The following EYA3 variants were observed in gnomAD, a reference collection of about 807,000 sequenced individuals.
EYA3 encodes protein phosphatase EYA3.
A neutral mutation model predicts 80.0 loss-of-function variants in EYA3; 39 were observed. That is an observed-to-expected ratio of 0.49 (90% CI 0.38 to 0.64). EYA3 has a LOEUF of 0.64. EYA3 is among the 30% of genes least tolerant of loss of function. The pLI, the probability that EYA3 is intolerant of heterozygous loss-of-function variation, is 0.00. For missense variants in EYA3, 523 were observed against 676.1 expected, an observed-to-expected ratio of 0.77 and a Z score of 2.51; for synonymous variants, 206 against 232.8, an observed-to-expected ratio of 0.88 and a Z score of 1.05.
At chr1:28,074,175 G>C (rs138595251) in intron 1 of EYA3, among the ~76,000 whole-genome samples, 7 of 152,208 alleles carry the variant, frequency 4.6e-5, no homozygotes, top group African/African-American at 1.7e-4. Context: ...AGGTCAAATT[G>C]TATAAATTCT....
At chr1:28,017,359 A>C in intron 7 of EYA3, 120 bp from the exon 8 acceptor site, 1 of 694,160 alleles carries the variant, frequency 1.4e-6, no homozygotes, top group Non-Finnish European at 2.4e-6. Flanking sequence ...TTGGCAAAGG[A>C]AACAAACACT....
At chr1:27,975,823 T>C (rs555801440) in intron 17 of EYA3, among the ~76,000 whole-genome samples, 47 of 151,952 alleles carry the variant, frequency 3.1e-4, no homozygotes, top group Non-Finnish European at 5.6e-4. Flanking sequence ...TTTATATTTT[T>C]TGAGACAGAG....
In EYA3 at chr1:28,087,059, T is replaced by C. The variant is rs563640265; in HGVS notation, c.-69+1465A>G. Reference sequence around the variant, plus strand: ...GTGCTCAAAGCTGTATTTAAGTTCATACTGAAGTACTACATTTTAAAGCAC... The same window carrying C: ...GTGCTCAAAGCTGTATTTAAGTTCACACTGAAGTACTACATTTTAAAGCAC... On this transcript the variant is annotated intron_variant, in intron 1 of 17. Coordinates refer to ENST00000373871, the MANE Select transcript of EYA3 (RefSeq NM_001990.4). Among the ~76,000 whole-genome samples, 4 of 152,346 alleles carry C rather than the reference T, an allele frequency of 2.6e-5. No homozygotes were observed. In the East Asian group the frequency reaches 7.7e-4, roughly 29 times the overall value.
At chr1:28,003,004 C>T (rs1195224027) in intron 11 of EYA3, among the ~76,000 whole-genome samples, 2 of 151,404 alleles carry the variant, frequency 1.3e-5, no homozygotes, top group Non-Finnish European at 2.9e-5. Context: ...CGCTTGTAAT[C>T]CCAGCATTTT....
intron 1 of EYA3, among the ~76,000 whole-genome samples, chr1:28,084,695 G>A (rs1645588968): frequency 7.5e-6 from 1 of 132,836 alleles, no homozygotes; most frequent in Middle Eastern, 5.2e-3. Flanking sequence ...TGCAACCTCC[G>A]CCTCCCTGGT....
chr1:27,993,442 T>C lies in EYA3; in HGVS notation c.1261A>G (p.Lys421Glu). The change falls in exon 14 of 18, where the codon AAA becomes GAA. Residue 421 changes from lysine (K) to glutamate (E), a missense_variant. Around this residue, in one of 2 missense-constraint regions of EYA3, gnomAD observed 219 missense variants for 332.8 expected, o/e 0.66. Transcript: ENST00000373871. ...TGCTTATCATAGATTTCTCTCACTT[T>C]CCGGTAGCGGAAAGCTAGTTTCCTC... ...WMRKLAFRYR[K>E]VREIYDKHKS... 6.2e-7 allele frequency: 1 copy of C among 1,613,540 alleles called. No homozygotes were observed. The highest frequency in any genetic ancestry group is 8.5e-7 in the Non-Finnish European group (1 of 1,179,784).
Position 27,971,599 on chromosome 1 carries a change from C to CAAAAA in EYA3, c.*2866_*2867insTTTTT, listed in dbSNP as rs1343134067. The CAAAAA allele has an allele frequency of 1.4e-5, 1 of 73,012 alleles. No homozygotes were observed. The highest frequency in any genetic ancestry group is 3.7e-4 in the East Asian group (1 of 2,678). The allele number at this position is 73,012 out of a possible 1,614,324, so 4.5% of individuals were successfully genotyped here. On this transcript the variant is annotated 3_prime_UTR_variant, in exon 18 of 18. Coordinates refer to ENST00000373871, the MANE Select transcript of EYA3 (RefSeq NM_001990.4). ...ACAGAGCGAGACTCCATCTCAACAA[C>CAAAAA]AACAACAAAAAAAAAAAAAAAAAAA...
intron 13 of EYA3, among the ~76,000 whole-genome samples, chr1:27,994,753 G>A (rs1214912809): frequency 6.6e-6 from 1 of 152,080 alleles, no homozygotes; most frequent in Non-Finnish European, 1.5e-5. Flanking sequence ...GATTGCTTGA[G>A]GCCAGGAGTT....
intron 7 of EYA3, among the ~76,000 whole-genome samples, chr1:28,021,531 G>A (rs1642434193): frequency 6.6e-6 from 1 of 152,018 alleles, no homozygotes; most frequent in African/African-American, 2.4e-5. Context: ...CATACAGCAG[G>A]TGATGGTCAA....
At chr1:28,050,224 G>C (rs1390976565) in intron 2 of EYA3, among the ~76,000 whole-genome samples, 1 of 137,012 alleles carries the variant, frequency 7.3e-6, no homozygotes, top group African/African-American at 2.7e-5. Flanking sequence ...ACAGGGTCTT[G>C]TTCTGTCACC....
intron 16 of EYA3, among the ~76,000 whole-genome samples, chr1:27,988,156 C>A (rs1571721634): frequency 6.6e-6 from 1 of 152,192 alleles, no homozygotes; most frequent in East Asian, 1.9e-4. Context: ...AGGTATGATT[C>A]ATCTTGTCTG....
intron 1 of EYA3, among the ~76,000 whole-genome samples, chr1:28,073,127 A>ATATATATATATATTTTTTTTTT (rs1553157671): frequency 1.3e-4 from 2 of 14,996 alleles, no homozygotes; most frequent in Non-Finnish European, 2.2e-4. Context: ...ATATATATAT[A>ATATATATATATATTTTTTTTTT]TTTTTTTTTT....
intron 17 of EYA3, among the ~76,000 whole-genome samples, chr1:27,977,619 G>A (rs1639007659): frequency 6.6e-6 from 1 of 152,100 alleles, no homozygotes; most frequent in Non-Finnish European, 1.5e-5. Context: ...GGGAGGCCGA[G>A]GCAGGCGGAT....
intron 13 of EYA3, among the ~76,000 whole-genome samples, chr1:27,996,005 T>C (rs1640427782): frequency 2.0e-5 from 3 of 152,080 alleles, no homozygotes; most frequent in Admixed American, 2.0e-4. Flanking sequence ...CCCAAGTAGC[T>C]GGGACTACAG....
chr1:28,017,183 C>T lies in EYA3; in HGVS notation c.556G>A (p.Ala186Thr). The T allele has an allele frequency of 6.2e-7, 1 of 1,613,898 alleles. No homozygotes were observed. Among genetic ancestry groups the T allele is most frequent in the South Asian group, 1.1e-5 (1 of 91,078 alleles). ...TTTGAGATGCTGGCTACTGCTGCTG[C>T]TGGAATATTGGCAATTGTAGAAGAA... ...STSSTIANIP[A>T]AAVASISNQD... is the part of the protein sequence containing the mutation. Residue 186 changes from alanine (A) to threonine (T), a missense_variant, in exon 8 of 18, where the codon GCA becomes ACA. Physicochemically the swap from Ala to Thr is moderately conservative, Grantham distance 58. This residue lies in a region of EYA3 where 304 missense variants were observed against 343.3 expected (regional missense o/e 0.89). Transcript: ENST00000373871.
intron 1 of EYA3, among the ~76,000 whole-genome samples, chr1:28,088,272 T>G (rs182650179): frequency 2.7e-5 from 4 of 150,590 alleles, no homozygotes; most frequent in Non-Finnish European, 3.0e-5. Context: ...GAAACCGAGG[T>G]TGGAAAAGGA....
chr1:28,026,463 A>T lies in EYA3; in HGVS notation c.499+1326T>A, dbSNP rs142988682. 7.0e-3 allele frequency among the ~76,000 whole-genome samples: 1,059 copies of T among 152,188 alleles called. 5 individuals carry two copies. The highest frequency in any genetic ancestry group is 0.011 in the Non-Finnish European group (725 of 68,008). ...AGATCCCACCTCTAAAAAAATATAG[A>T]ATACATTAGCTGGGTGTGGTGGTGT... On this transcript the variant is annotated intron_variant, in intron 7 of 17. Transcript: ENST00000373871.
intron 1 of EYA3, among the ~76,000 whole-genome samples, chr1:28,071,873 C>G (rs1645029971): frequency 6.6e-6 from 1 of 152,076 alleles, no homozygotes; most frequent in Non-Finnish European, 1.5e-5. Flanking sequence ...CTAATTTAAC[C>G]AAGTAAAGTT....
At position 28,003,728 on chromosome 1, in the gene EYA3, A is replaced by G. The variant is rs1202379108; in HGVS notation, c.993+608T>C. On this transcript the variant is annotated intron_variant, in intron 11 of 17. Transcript: ENST00000373871. ...TGGCTGGGGTGCAGATATTTGTATA[A>G]AATTTATTCATATAAACTGAAAAAC... Among the ~76,000 whole-genome samples the G allele has an allele frequency of 2.0e-5, 3 of 152,130 alleles. No individual in the cohort carries two copies. In the East Asian group the frequency reaches 5.8e-4, roughly 29 times the overall value.
Sources: gnomAD v4.1 joint callset for allele counts (sites outside exome capture counted in the v4.1 genomes callset) on GRCh38, gnomAD v4.1.1 for gene constraint, gnomAD v4.1.1 regional missense constraint, MANE v1.5 for transcripts, NCBI Gene and HGNC (gene_info 2026-07-23, HGNC 2026-07-21) for gene names.